FREM1: variants seen among roughly 807,000 people sequenced by gnomAD.
FREM1 encodes FRAS1 related extracellular matrix 1, also known as FRAS1-related extracellular matrix protein 1.
A neutral mutation model predicts 210.1 loss-of-function variants in FREM1; 220 were observed. The observed-to-expected ratio is 1.05, with a 90% confidence interval of 0.94 to 1.17. The LOEUF is 1.17. Among genes scored for constraint, FREM1 ranks in the 50% most tolerant of loss-of-function variants. The pLI is 0.00. For synonymous variants in FREM1, 1,189 were observed against 980.2 expected, an observed-to-expected ratio of 1.21 and a Z score of -3.98; for missense variants, 3,454 against 2,675.5, an observed-to-expected ratio of 1.29 and a Z score of -6.42.
intron 27 of FREM1, among the ~76,000 whole-genome samples, chr9:14,764,414 T>G (rs1043517201): frequency 2.0e-5 from 3 of 152,232 alleles, no homozygotes; most frequent in African/African-American, 7.2e-5. Context: ...TAGATGATCC[T>G]CACATGTTTT....
chr9:14,792,234 C>T (rs967770207), intron 22 of FREM1, among the ~76,000 whole-genome samples: 2 of 147,642 alleles, frequency 1.4e-5, no homozygotes, highest in African/African-American at 5.0e-5. Flanking sequence ...TGAGAATGAT[C>T]TAGAATTTAG....
intron 17 of FREM1, among the ~76,000 whole-genome samples, chr9:14,807,578 C>T (rs1211428073): frequency 6.6e-6 from 1 of 152,004 alleles, no homozygotes; most frequent in Non-Finnish European, 1.5e-5. Context: ...AAATAAATTA[C>T]TCTCTCTTCA....
chr9:14,789,638 A>ATTTAT (rs1850969917), intron 22 of FREM1, among the ~76,000 whole-genome samples: 1 of 152,234 alleles, frequency 6.6e-6, no homozygotes. Context: ...CTAAAGAAAG[A>ATTTAT]AAATGATGGG....
At chr9:14,866,266 C>T (rs1431994494) in intron 2 of FREM1, among the ~76,000 whole-genome samples, 1 of 152,162 alleles carries the variant, frequency 6.6e-6, no homozygotes, top group Non-Finnish European at 1.5e-5. Flanking sequence ...TATTCCAATC[C>T]TTGATTCTTG....
intron 10 of FREM1, among the ~76,000 whole-genome samples, chr9:14,825,561 A>ACATATATG (rs1554685340): frequency 7.7e-6 from 1 of 129,262 alleles, no homozygotes; most frequent in Non-Finnish European, 1.6e-5. Context: ...ATATATATAT[A>ACATATATG]TATATATATA....
chr9:14,828,639 G>T (rs932051706), intron 10 of FREM1, among the ~76,000 whole-genome samples: 1 of 104,776 alleles, frequency 9.5e-6, no homozygotes, highest in Non-Finnish European at 1.9e-5. Context: ...AAATTGTGGC[G>T]GGGCGGGGGA....
intron 1 of FREM1, among the ~76,000 whole-genome samples, chr9:14,904,761 T>C (rs1855142): frequency 0.79 from 119,995 of 151,980 alleles, 47,987 homozygotes; most frequent in African/African-American, 0.84. Flanking sequence ...TTTAACTGTG[T>C]CCGACTGTCC....
chr9:14,821,414 G>A (rs1471689191), intron 13 of FREM1, among the ~76,000 whole-genome samples: 1 of 152,090 alleles, frequency 6.6e-6, no homozygotes, highest in Admixed American at 6.6e-5. Flanking sequence ...CCATCAAGAG[G>A]CTTGAATAAC....
chr9:14,766,610 G>A (rs1846457622), intron 27 of FREM1, among the ~76,000 whole-genome samples: 1 of 152,108 alleles, frequency 6.6e-6, no homozygotes, highest in Admixed American at 6.5e-5. Flanking sequence ...GACTCCACAG[G>A]AATCCTGCAA....
At chr9:14,865,180 A>C (rs1157396775) in intron 2 of FREM1, among the ~76,000 whole-genome samples, 3 of 152,168 alleles carry the variant, frequency 2.0e-5, no homozygotes, top group South Asian at 2.1e-4. Context: ...CTTTAATGAC[A>C]GTAAAATGGT....
chr9:14,772,308 CA>C (rs1476347615), intron 25 of FREM1, among the ~76,000 whole-genome samples: 2 of 151,922 alleles, frequency 1.3e-5, no homozygotes, highest in Non-Finnish European at 2.9e-5. Context: ...AAAAGTCCAC[CA>C]GGGGATTTAT....
At chr9:14,744,020 G>T (rs1842004219) in intron 35 of FREM1, among the ~76,000 whole-genome samples, 1 of 151,920 alleles carries the variant, frequency 6.6e-6, no homozygotes, top group South Asian at 2.1e-4. Flanking sequence ...TTAACATGTA[G>T]CACTAAGGAA....
intron 27 of FREM1, among the ~76,000 whole-genome samples, chr9:14,768,457 G>A (rs1846873132): frequency 6.6e-6 from 1 of 151,902 alleles, no homozygotes; most frequent in African/African-American, 2.4e-5. Flanking sequence ...ATGGGTGGAG[G>A]TCATATGTTT....
At chr9:14,889,387 G>A (rs1297661864) in intron 1 of FREM1, among the ~76,000 whole-genome samples, 5 of 152,172 alleles carry the variant, frequency 3.3e-5, no homozygotes, top group South Asian at 2.1e-4. Flanking sequence ...TTATGTGGAA[G>A]GTTTAGTTTT....
chr9:14,768,254 T>C (rs1178593920), intron 27 of FREM1, among the ~76,000 whole-genome samples: 1 of 100,852 alleles, frequency 9.9e-6, no homozygotes, highest in Admixed American at 1.1e-4. Flanking sequence ...GTTTTCTTAC[T>C]TGAATTATTT....
chr9:14,787,177 T>C (rs72711307), intron 23 of FREM1, among the ~76,000 whole-genome samples: 3,911 of 152,254 alleles, frequency 0.026, 76 homozygotes, highest in East Asian at 0.069. Flanking sequence ...TGTGATTAAA[T>C]CTAACTCTTT....
intron 16 of FREM1, among the ~76,000 whole-genome samples, chr9:14,811,422 A>T (rs1355238516): frequency 6.6e-6 from 1 of 152,300 alleles, no homozygotes; most frequent in South Asian, 2.1e-4. Flanking sequence ...ATTAAGCAAT[A>T]AATAACAATC....
chr9:14,784,270 A>G, intron 24 of FREM1, 100 bp downstream of exon 24: 1 of 1,062,228 alleles, frequency 9.4e-7, no homozygotes, highest in South Asian at 1.9e-5. Context: ...AGATACATGT[A>G]TTTTGTGAAA....
At chr9:14,909,309 CAA>C (rs541003635) in intron 1 of FREM1, among the ~76,000 whole-genome samples, 64 of 152,054 alleles carry the variant, frequency 4.2e-4, no homozygotes, top group Non-Finnish European at 8.8e-4. Flanking sequence ...ACAACAGCAC[CAA>C]AGTCTCTGGA....
Sources: gnomAD v4.1 joint callset for allele counts (sites outside exome capture counted in the v4.1 genomes callset) on GRCh38, gnomAD v4.1.1 for gene constraint, MANE v1.5 for transcripts, NCBI Gene and HGNC (gene_info 2026-07-23, HGNC 2026-07-21) for gene names.